ABL2: variants seen among roughly 807,000 people sequenced by gnomAD.
The protein encoded by ABL2 is tyrosine-protein kinase ABL2.
A neutral mutation model predicts 107.7 loss-of-function variants in ABL2; 49 were observed. That is an observed-to-expected ratio of 0.45 (90% CI 0.36 to 0.58). The LOEUF is 0.58. Among genes scored for constraint, ABL2 ranks in the 20% least tolerant of loss-of-function variants. The pLI is 0.00. For missense variants in ABL2, 1,245 were observed against 1,457.0 expected (o/e 0.85, Z 2.37); for synonymous variants, 549 against 548.6 (o/e 1.00, Z -0.01).
chr1:179,152,093 G>A (rs988276191), intron 1 of ABL2, among the ~76,000 whole-genome samples: 10 of 152,154 alleles, frequency 6.6e-5, no homozygotes, highest in African/African-American at 2.4e-4. Context: ...TTCAAGGCCA[G>A]ATCAAGATGT....
chr1:179,175,270 C>T (rs1432855752), intron 1 of ABL2, among the ~76,000 whole-genome samples: 1 of 149,354 alleles, frequency 6.7e-6, no homozygotes, highest in East Asian at 1.9e-4. Context: ...AGGTACCAAA[C>T]ATAGCCACAA....
At chr1:179,207,133 G>A (rs1451264495) in intron 1 of ABL2, among the ~76,000 whole-genome samples, 4 of 151,454 alleles carry the variant, frequency 2.6e-5, no homozygotes, top group African/African-American at 9.7e-5. Context: ...ATTACCTTCT[G>A]AAGTCAGCTC....
chr1:179,208,817 A>G (rs755407663), intron 1 of ABL2, among the ~76,000 whole-genome samples: 9 of 152,368 alleles, frequency 5.9e-5, no homozygotes, highest in Middle Eastern at 3.4e-3. Flanking sequence ...AAAGCACAAC[A>G]GTTAAGAGTG....
At position 179,100,007 on chromosome 1, in the gene ABL2, G is replaced by A. The variant is rs1023330062; in HGVS notation, c.*7711C>T. 9 of 232,454 alleles carry A rather than the reference G, an allele frequency of 3.9e-5. No homozygotes were observed. The highest frequency in any genetic ancestry group is 1.8e-4 in the South Asian group (1 of 5,528). 14.4% of individuals were successfully genotyped at this position (232,454 alleles called of 1,614,324 possible). A position where few individuals can be genotyped will look rare whatever the true frequency, so the allele number is the denominator to read the frequency against. On this transcript the variant is annotated 3_prime_UTR_variant, in exon 12 of 12. Coordinates refer to ENST00000502732, the MANE Select transcript of ABL2 (RefSeq NM_007314.4). ...TTACTCCCCCTTTCTTAATGGGCACGACAGCAATGCACGTGTATTTATGGA... is the reference window on the plus strand; with the variant it reads ...TTACTCCCCCTTTCTTAATGGGCACAACAGCAATGCACGTGTATTTATGGA...
intron 6 of ABL2, among the ~76,000 whole-genome samples, chr1:179,119,458 C>G (rs1448763851): frequency 6.6e-6 from 1 of 151,476 alleles, no homozygotes; most frequent in Non-Finnish European, 1.5e-5. Flanking sequence ...TTGCAGTGAG[C>G]CAGGATCATG....
chr1:179,116,607 T>TTCA (rs919318668), intron 8 of ABL2, among the ~76,000 whole-genome samples: 14 of 149,878 alleles, frequency 9.3e-5, no homozygotes, highest in Admixed American at 6.7e-4. Flanking sequence ...ACCTCCCGGG[T>TTCA]TCAAGTGATT....
At chr1:179,193,611 C>G (rs1349451219) in intron 1 of ABL2, among the ~76,000 whole-genome samples, 2 of 151,986 alleles carry the variant, frequency 1.3e-5, no homozygotes, top group African/African-American at 4.8e-5. Flanking sequence ...TCACCATGTT[C>G]ACCAAGCTAG....
chr1:179,195,305 A>G (rs1661248366), intron 1 of ABL2, among the ~76,000 whole-genome samples: 1 of 152,150 alleles, frequency 6.6e-6, no homozygotes, highest in Non-Finnish European at 1.5e-5. Context: ...ACAAAAAACA[A>G]AAAAACAGTG....
intron 8 of ABL2, chr1:179,117,017 T>C: frequency 2.8e-6 from 1 of 354,118 alleles, no homozygotes; most frequent in Non-Finnish European, 5.4e-6. Flanking sequence ...TTTTTGTAGT[T>C]AGTAGAGATG....
intron 1 of ABL2, among the ~76,000 whole-genome samples, chr1:179,195,713 A>C (rs1004088997): frequency 2.6e-5 from 4 of 152,194 alleles, no homozygotes; most frequent in African/African-American, 4.8e-5. Flanking sequence ...AATAAAAAAA[A>C]AGAAATTCTC....
chr1:179,226,044 A>C (rs1027544447), intron 1 of ABL2, among the ~76,000 whole-genome samples: 3 of 43,858 alleles, frequency 6.8e-5, no homozygotes, highest in African/African-American at 3.0e-4. Flanking sequence ...ACTCCGCCTC[A>C]AAAAAAAAAA....
chr1:179,137,893 C>CA (rs1331110837), intron 1 of ABL2: 2 of 152,096 alleles, frequency 1.3e-5, no homozygotes, highest in Non-Finnish European at 2.9e-5. Context: ...AATTCTGGAC[C>CA]GGGTGCCTTA....
chr1:179,136,672 T>G (rs1657023923), intron 1 of ABL2, among the ~76,000 whole-genome samples: 1 of 138,832 alleles, frequency 7.2e-6, no homozygotes, highest in African/African-American at 2.7e-5. Flanking sequence ...CCCTGCCAAA[T>G]CCCCCTCTGC....
At chr1:179,132,487 C>T (rs1656435676) in intron 2 of ABL2, among the ~76,000 whole-genome samples, 3 of 152,004 alleles carry the variant, frequency 2.0e-5, no homozygotes, top group African/African-American at 7.3e-5. Flanking sequence ...CATATAACAA[C>T]ACTTTTATGT....
chr1:179,117,086 T>A, intron 8 of ABL2: 1 of 485,110 alleles, frequency 2.1e-6, no homozygotes, highest in Non-Finnish European at 3.7e-6. Context: ...GATCCACCCA[T>A]CTCGGCCCAA....
intron 11 of ABL2, among the ~76,000 whole-genome samples, chr1:179,109,656 C>T (rs560277121): frequency 1.3e-4 from 20 of 152,158 alleles, no homozygotes; most frequent in Non-Finnish European, 2.2e-4. Flanking sequence ...GGGCCGGGCA[C>T]GGTGGCTCAC....
intron 1 of ABL2, among the ~76,000 whole-genome samples, chr1:179,197,008 T>C (rs1029309359): frequency 6.6e-6 from 1 of 152,152 alleles, no homozygotes; most frequent in Non-Finnish European, 1.5e-5. Context: ...AAATGTAGCA[T>C]GGTGATACAA....
At chr1:179,202,125 A>G (rs1470606595) in intron 1 of ABL2, among the ~76,000 whole-genome samples, 1 of 152,222 alleles carries the variant, frequency 6.6e-6, no homozygotes, top group East Asian at 1.9e-4. Flanking sequence ...ACACTGGGAT[A>G]AATATCATTT....
rs115857302 is a variant in ABL2 at position 179,153,368 on chromosome 1, C to A, written c.158-19994G>T. 1.4e-3 allele frequency among the ~76,000 whole-genome samples: 210 copies of A among 152,134 alleles called. 1 individual carries two copies. The highest frequency in any genetic ancestry group is 4.7e-3 in the African/African-American group (197 of 41,492). The stretch of plus-strand genomic sequence containing the variant: ...TGGCTTAACCCAACAGAAATGCATT[C>A]TCTCATAGTTTGGGAGGCCGGAAGT... On this transcript the variant is annotated intron_variant, in intron 1 of 11. Coordinates refer to ENST00000502732, the MANE Select transcript of ABL2 (RefSeq NM_007314.4).
Sources: gnomAD v4.1 joint callset for allele counts (sites outside exome capture counted in the v4.1 genomes callset) on GRCh38, gnomAD v4.1.1 for gene constraint, MANE v1.5 for transcripts, NCBI Gene and HGNC (gene_info 2026-07-23, HGNC 2026-07-21) for gene names.